WWOX: variants seen among roughly 807,000 people sequenced by gnomAD.
The protein encoded by WWOX is WW domain-containing oxidoreductase.
A neutral mutation model predicts 46.2 loss-of-function variants in WWOX; 69 were observed. The observed-to-expected ratio is 1.49, with a 90% CI of 1.23 to 1.82. WWOX has a LOEUF of 1.82. Ranked by LOEUF, WWOX falls within the 40% of genes most tolerant of loss-of-function variation. The pLI is 0.00. For synonymous variants in WWOX, 359 were observed against 202.6 expected (o/e 1.77, Z -6.56); for missense variants, 919 against 542.6 (o/e 1.69, Z -6.89).
chr16:79,211,034 A>AGTGAGTGTGTGT (rs2051721084), intron 8 of WWOX, among the ~76,000 whole-genome samples: 1 of 149,602 alleles, frequency 6.7e-6, no homozygotes, highest in African/African-American at 2.5e-5. Context: ...TATGGTGAGG[A>AGTGAGTGTGTGT]GTGTGTGTGT....
intron 8 of WWOX, among the ~76,000 whole-genome samples, chr16:79,192,022 A>C (rs1389106233): frequency 6.6e-6 from 1 of 152,338 alleles, no homozygotes; most frequent in East Asian, 1.9e-4. Flanking sequence ...ACTGACCAGG[A>C]ATCTGGGGCA....
intron 8 of WWOX, among the ~76,000 whole-genome samples, chr16:78,615,350 T>A (rs1027524935): frequency 2.6e-5 from 4 of 152,110 alleles, no homozygotes; most frequent in Non-Finnish European, 4.4e-5. Context: ...TATAGTTGGC[T>A]AAAAAGAAGT....
At chr16:78,110,527 A>G (rs899343884) in intron 3 of WWOX, among the ~76,000 whole-genome samples, 1 of 152,172 alleles carries the variant, frequency 6.6e-6, no homozygotes, top group African/African-American at 2.4e-5. Flanking sequence ...CCTATTGGAC[A>G]TTAATGCTAA....
chr16:78,502,972 G>A (rs1165785961), intron 8 of WWOX, among the ~76,000 whole-genome samples: 1 of 152,162 alleles, frequency 6.6e-6, no homozygotes, highest in Non-Finnish European at 1.5e-5. Flanking sequence ...AAGGTGCTGC[G>A]ATCTTTGATT....
At chr16:78,307,273 G>A (rs1393650327) in intron 5 of WWOX, among the ~76,000 whole-genome samples, 2 of 152,200 alleles carry the variant, frequency 1.3e-5, no homozygotes, top group African/African-American at 4.8e-5. Flanking sequence ...TTGAACAAGT[G>A]AATAGAGTAC....
At chr16:78,132,260 T>C (rs2033630062) in intron 4 of WWOX, among the ~76,000 whole-genome samples, 1 of 151,568 alleles carries the variant, frequency 6.6e-6, no homozygotes, top group Non-Finnish European at 1.5e-5. Flanking sequence ...TCTCCTGACC[T>C]CGTGATCTGC....
chr16:79,037,611 T>C (rs75320285), intron 8 of WWOX, among the ~76,000 whole-genome samples: 2,419 of 152,268 alleles, frequency 0.016, 74 homozygotes, highest in African/African-American at 0.055. Context: ...TCCCAGAAGC[T>C]GAGGCAGGAT....
chr16:78,994,969 C>CTTTTTTTTTTTTTTTTTTTTTTTTTT (rs869088414), intron 8 of WWOX, among the ~76,000 whole-genome samples: 8 of 114,644 alleles, frequency 7.0e-5, no homozygotes, highest in Non-Finnish European at 8.5e-5. Context: ...TCTTCTTCTT[C>CTTTTTTTTTTTTTTTTTTTTTTTTTT]TTTTTTTTTT....
At chr16:78,949,556 C>A (rs2046016469) in intron 8 of WWOX, among the ~76,000 whole-genome samples, 1 of 152,276 alleles carries the variant, frequency 6.6e-6, no homozygotes, top group South Asian at 2.1e-4. Context: ...TTTGACCAAC[C>A]CCAACACATA....
intron 8 of WWOX, among the ~76,000 whole-genome samples, chr16:79,161,758 A>G (rs4888930): frequency 0.6 from 90,888 of 152,158 alleles, 27,945 homozygotes; most frequent in East Asian, 0.75. Context: ...ACCTCAAGCA[A>G]TCCACCCGCC....
intron 8 of WWOX, among the ~76,000 whole-genome samples, chr16:78,623,887 A>G (rs2046247970): frequency 1.3e-5 from 2 of 152,220 alleles, no homozygotes; most frequent in Admixed American, 1.3e-4. Flanking sequence ...CATATTGTAT[A>G]GAATAAAATA....
Position 78,734,731 on chromosome 16 carries a change from C to G in WWOX, c.1056+301979C>G, listed in dbSNP as rs555810188. ...TCACCTGATTACAGCAGATTGTTCT[C>G]AAGTGCCTGAGCTTCGTCTCATCAG... is the stretch of plus-strand genomic sequence containing the variant. On this transcript the variant is annotated intron_variant, in intron 8 of 8. Transcript: ENST00000566780. Among the ~76,000 whole-genome samples the G allele has an allele frequency of 4.0e-5, 6 of 151,012 alleles. No homozygotes were observed. The South Asian group carries it at 8.5e-4, about 21-fold the overall frequency.
chr16:78,229,423 CTT>C (rs1260934652), intron 5 of WWOX, among the ~76,000 whole-genome samples: 21 of 149,924 alleles, frequency 1.4e-4, no homozygotes, highest in Admixed American at 1.3e-3. Flanking sequence ...TTATGATTAA[CTT>C]ATATCTGGTC....
At chr16:78,881,906 T>C (rs991129756) in intron 8 of WWOX, among the ~76,000 whole-genome samples, 1 of 152,170 alleles carries the variant, frequency 6.6e-6, no homozygotes, top group Non-Finnish European at 1.5e-5. Context: ...GTGGATCACT[T>C]GAGGTCAGGA....
At chr16:78,825,343 G>A in intron 8 of WWOX, 1 of 313,042 alleles carries the variant, frequency 3.2e-6, no homozygotes, top group Non-Finnish European at 6.4e-6. Context: ...AAGCTGAACG[G>A]AATCAGTTTC....
intron 5 of WWOX, among the ~76,000 whole-genome samples, chr16:78,206,113 TCTAGG>T (rs1239430792): frequency 6.6e-6 from 1 of 152,074 alleles, no homozygotes; most frequent in Non-Finnish European, 1.5e-5. Context: ...ATCTAGAATG[TCTAGG>T]CTAAGGAGTT....
At chr16:78,559,912 G>T (rs2044393710) in intron 8 of WWOX, among the ~76,000 whole-genome samples, 1 of 152,246 alleles carries the variant, frequency 6.6e-6, no homozygotes, top group Middle Eastern at 3.4e-3. Flanking sequence ...ACAATCCGTT[G>T]CAGAAAGCCT....
intron 8 of WWOX, among the ~76,000 whole-genome samples, chr16:78,637,680 G>C (rs564672051): frequency 6.6e-6 from 1 of 152,310 alleles, no homozygotes; most frequent in Admixed American, 6.5e-5. Context: ...TTGATGAAGG[G>C]CTCAGAGCTA....
intron 5 of WWOX, among the ~76,000 whole-genome samples, chr16:78,292,778 A>G (rs1355685634): frequency 6.6e-6 from 1 of 152,224 alleles, no homozygotes; most frequent in African/African-American, 2.4e-5. Flanking sequence ...AGAGCCAAAT[A>G]GATTCACACA....
Sources: gnomAD v4.1 joint callset for allele counts (sites outside exome capture counted in the v4.1 genomes callset) on GRCh38, gnomAD v4.1.1 for gene constraint, MANE v1.5 for transcripts, NCBI Gene and HGNC (gene_info 2026-07-23, HGNC 2026-07-21) for gene names.